The following PRDM14 variants were observed in gnomAD, a reference collection of about 807,000 sequenced individuals.
PRDM14 encodes PR/SET domain 14.
A neutral mutation model predicts 48.0 loss-of-function variants in PRDM14; 16 were observed. The ratio of observed to expected loss-of-function variants is 0.33; its 90% CI spans 0.23 to 0.51. The LOEUF (loss-of-function observed/expected upper bound fraction) is 0.51, where lower values mean the gene tolerates loss of function less well. PRDM14 is among the 20% of genes least tolerant of loss of function. The pLI, the probability that PRDM14 is intolerant of heterozygous loss-of-function variation, is 0.97. For missense variants in PRDM14, 566 were observed against 719.6 expected, an observed-to-expected ratio of 0.79 and a Z score of 2.44; for synonymous variants, 264 against 276.6, an observed-to-expected ratio of 0.95 and a Z score of 0.45.
At position 70,066,202 on chromosome 8, in the gene PRDM14, C is replaced by G. The variant is rs201442882; in HGVS notation, c.1183+33G>C. On this transcript the variant is annotated intron_variant, in intron 5 of 7. Coordinates refer to ENST00000276594, the MANE Select transcript of PRDM14 (RefSeq NM_024504.4). ...AGAGCCCAGTCCTTCTACTGGGATG[C>G]CCTCATTGGGCAAGGCGAGGGTGTG... 28 of 1,601,360 alleles carry G rather than the reference C, an allele frequency of 1.7e-5. No homozygotes were observed. The Admixed American group carries it at 3.7e-4, about 21-fold the overall frequency.
At chr8:70,058,901 G>A in intron 5 of PRDM14, 59 bp from the exon 6 acceptor site, 2 of 1,317,534 alleles carry the variant, frequency 1.5e-6, no homozygotes, top group Non-Finnish European at 2.1e-6. Context: ...GTTCCTTCAA[G>A]AGGATATTTA....
intron 6 of PRDM14, among the ~76,000 whole-genome samples, chr8:70,057,709 T>G (rs1020375535): frequency 3.3e-5 from 5 of 152,196 alleles, no homozygotes; most frequent in African/African-American, 1.2e-4. Context: ...GAATACTGGA[T>G]AGTTTTCACT....
intron 7 of PRDM14, among the ~76,000 whole-genome samples, chr8:70,054,601 C>T (rs1805442334): frequency 6.7e-6 from 1 of 149,328 alleles, no homozygotes; most frequent in Admixed American, 6.8e-5. Context: ...CTCACTGCAA[C>T]CTCTGCCTCT....
chr8:70,069,325 T>C lies in PRDM14; in HGVS notation c.536A>G (p.Glu179Gly). ...LLPCSPSKQS[E>G]DGPKPSNQEG... is the part of the protein sequence containing the mutation. ...TTGGTTGGAGGGTTTGGGACCATCC[T>C]CTGACTGCTTGCTGGGTGAGCAAGG... The change falls in exon 2 of 8, where the codon GAG (glutamate) becomes GGG (glycine). Residue 179 changes from glutamate (E) to glycine (G), a missense_variant. Physicochemically the swap from Glu to Gly is moderately conservative, Grantham distance 98 (BLOSUM62 -2). Coordinates refer to ENST00000276594, the MANE Select transcript of PRDM14 (RefSeq NM_024504.4). 2 of 1,611,604 alleles carry C rather than the reference T, an allele frequency of 1.2e-6. No individual in the cohort carries two copies. Among genetic ancestry groups the C allele is most frequent in the South Asian group, 2.2e-5 (2 of 90,586 alleles).
At chr8:70,055,862 A>G (rs1319067256) in intron 6 of PRDM14, among the ~76,000 whole-genome samples, 1 of 152,186 alleles carries the variant, frequency 6.6e-6, no homozygotes, top group Non-Finnish European at 1.5e-5. Flanking sequence ...GGTATATGGC[A>G]GAGGCCTGAA....
chr8:70,055,189 T>C (rs955102609), intron 7 of PRDM14, 111 bp downstream of exon 7: 7 of 581,690 alleles, frequency 1.2e-5, no homozygotes, highest in African/African-American at 9.3e-5. Context: ...TGGGCTGATA[T>C]TTGACTAACA....
chr8:70,056,607 G>A (rs986802989), intron 6 of PRDM14, among the ~76,000 whole-genome samples: 6 of 151,636 alleles, frequency 4.0e-5, no homozygotes, highest in Admixed American at 2.0e-4. Context: ...TCAGCCTCCC[G>A]AGTGGCTGGG....
At chr8:70,053,547 C>T (rs956365476) in intron 7 of PRDM14, among the ~76,000 whole-genome samples, 5 of 152,040 alleles carry the variant, frequency 3.3e-5, no homozygotes, top group African/African-American at 7.2e-5. Context: ...CACTATGATG[C>T]CCAGCTAATT....
In PRDM14 at chr8:70,060,461, T is replaced by C. The variant is rs563570371; in HGVS notation, c.1184-1619A>G. ...ACATTGTCATACCTAAACGATTAAC[T>C]CTTATTCTTTTATAGAAACATATAT... On this transcript the variant is annotated intron_variant, in intron 5 of 7. Coordinates refer to ENST00000276594, the MANE Select transcript of PRDM14 (RefSeq NM_024504.4). Among the ~76,000 whole-genome samples, 3 of 152,032 alleles carry C rather than the reference T, an allele frequency of 2.0e-5. No individual in the cohort carries two copies. The South Asian group carries it at 6.2e-4, about 32-fold the overall frequency.
intron 5 of PRDM14, among the ~76,000 whole-genome samples, chr8:70,064,889 T>TC: frequency 6.7e-6 from 1 of 148,910 alleles, no homozygotes; most frequent in Middle Eastern, 3.6e-3. Context: ...TCTCTCTCTC[T>TC]CTTTTTTTTT....
intron 4 of PRDM14, among the ~76,000 whole-genome samples, chr8:70,067,092 T>G (rs1186913348): frequency 6.6e-6 from 1 of 152,208 alleles, no homozygotes; most frequent in Admixed American, 6.6e-5. Flanking sequence ...ATTCCTATAG[T>G]GAGCACATGT....
chr8:70,056,626 T>A (rs535908966), intron 6 of PRDM14, among the ~76,000 whole-genome samples: 1 of 151,668 alleles, frequency 6.6e-6, no homozygotes, highest in African/African-American at 2.4e-5. Flanking sequence ...GGACCACAGG[T>A]GCGCACCACA....
Position 70,069,602 on chromosome 8 carries a change from C to T in PRDM14, c.259G>A (p.Glu87Lys). Residue 87 changes from glutamate to lysine, a missense_variant, in exon 2 of 8, where the codon GAG (glutamate) becomes AAG (lysine). Physicochemically the swap from Glu to Lys is moderately conservative, Grantham distance 56. This residue lies in a region of PRDM14 where 410 missense variants were observed against 424.6 expected (regional missense o/e 0.97). Transcript: ENST00000276594. ...TACCAGGGCAGATCGTAGAGAGGCT[C>T]CCTCTGTAGGCCCAGACCCGGGCTC... ...LLSPGLGLQR[E>K]PLYDLPWYSK... is the part of the protein sequence containing the mutation. 2 of 1,589,248 alleles carry T rather than the reference C, an allele frequency of 1.3e-6. No individual in the cohort carries two copies. The highest frequency in any genetic ancestry group is 1.8e-5 in the Admixed American group (1 of 55,616).
At chr8:70,053,432 C>T (rs944684928) in intron 7 of PRDM14, among the ~76,000 whole-genome samples, 1 of 151,930 alleles carries the variant, frequency 6.6e-6, no homozygotes, top group African/African-American at 2.4e-5. Context: ...ACTCCATCAC[C>T]CAGGTTGGAG....
At chr8:70,059,979 G>A (rs1214468998) in intron 5 of PRDM14, among the ~76,000 whole-genome samples, 1 of 151,770 alleles carries the variant, frequency 6.6e-6, no homozygotes, top group African/African-American at 2.4e-5. Flanking sequence ...TGTAATCCCA[G>A]CTACTTGGGA....
chr8:70,055,324 T>G lies in PRDM14; in HGVS notation c.1464A>C (p.Pro488=). Residue 488 remains proline (P), a synonymous_variant, in exon 7 of 8, where the codon CCA becomes CCC. Transcript: ENST00000276594. ...KHMRVHSGDR[P]YQCVYCTKRF... ...CCTTAGTACAATACACACACTGGTA[T>G]GGTCTGTCTCCAGAGTGGACTCGCA... is the stretch of plus-strand genomic sequence containing the variant. 1 of 1,602,764 alleles carries G rather than the reference T, an allele frequency of 6.2e-7. No homozygotes were observed. The highest frequency in any genetic ancestry group is 8.5e-7 in the Non-Finnish European group (1 of 1,169,862).
At position 70,069,396 on chromosome 8, in the gene PRDM14, C is replaced by G. The variant is rs952295630; in HGVS notation, c.465G>C (p.Ala155=). The G allele has an allele frequency of 6.2e-7, 1 of 1,609,394 alleles. No individual in the cohort carries two copies. ...GPDTLIPPPP[A]DASLLPEGLR... Reference sequence around the variant, plus strand: ...GCCCCTCAGGTAACAGAGAAGCATCCGCAGGGGGCGGTGGAATTAAAGTGT... The same window carrying G: ...GCCCCTCAGGTAACAGAGAAGCATCGGCAGGGGGCGGTGGAATTAAAGTGT... Residue 155 remains alanine (A), a synonymous_variant, in exon 2 of 8, where the codon GCG becomes GCC. Transcript: ENST00000276594.
At chr8:70,054,389 C>T (rs1330080341) in intron 7 of PRDM14, among the ~76,000 whole-genome samples, 1 of 152,172 alleles carries the variant, frequency 6.6e-6, no homozygotes, top group Non-Finnish European at 1.5e-5. Context: ...ACTATTCTCC[C>T]CAGTTTATCA....
At chr8:70,064,350 C>A (rs1041524946) in intron 5 of PRDM14, among the ~76,000 whole-genome samples, 1 of 152,090 alleles carries the variant, frequency 6.6e-6, no homozygotes, top group East Asian at 1.9e-4. Flanking sequence ...CCCTCTTACA[C>A]GTGCCTTATT....
Sources: gnomAD v4.1 joint callset for allele counts (sites outside exome capture counted in the v4.1 genomes callset) on GRCh38, gnomAD v4.1.1 for gene constraint, gnomAD v4.1.1 regional missense constraint, MANE v1.5 for transcripts, NCBI Gene and HGNC (gene_info 2026-07-23, HGNC 2026-07-21) for gene names.